Variants in RORA observed in about 807,000 individuals in gnomAD.
RORA encodes the protein nuclear receptor ROR-alpha.
Under a neutral mutation model 69.5 loss-of-function variants are expected in RORA, and 7 were observed. The observed-to-expected ratio is 0.10, with a 90% CI of 0.06 to 0.19. RORA has a LOEUF of 0.19. Ranked by LOEUF, RORA falls within the 10% of genes least tolerant of loss-of-function variation. The pLI is 1.00. For missense variants in RORA, 457 were observed against 663.0 expected (o/e 0.69, Z 3.41); for synonymous variants, 261 against 240.8 (o/e 1.08, Z -0.78).
chr15:60,859,655 C>CTTTTTTT (rs71122880), intron 1 of RORA, among the ~76,000 whole-genome samples: 1 of 101,592 alleles, frequency 9.8e-6, no homozygotes, highest in African/African-American at 3.9e-5. Flanking sequence ...TTCTTTCTTT[C>CTTTTTTT]TTTTTTTTTT....
intron 1 of RORA, among the ~76,000 whole-genome samples, chr15:60,892,066 C>T (rs1005526235): frequency 6.6e-6 from 1 of 152,196 alleles, no homozygotes; most frequent in African/African-American, 2.4e-5. Context: ...ATTCCGAGGC[C>T]TCATCCAGAA....
intron 2 of RORA, among the ~76,000 whole-genome samples, chr15:60,570,524 GT>G (rs1250413638): frequency 1.3e-5 from 2 of 151,858 alleles, no homozygotes; most frequent in Non-Finnish European, 2.9e-5. Context: ...ATTATTTTGT[GT>G]TTTTTGTAGA....
At chr15:61,045,932 A>T (rs1896996965) in intron 1 of RORA, among the ~76,000 whole-genome samples, 1 of 152,174 alleles carries the variant, frequency 6.6e-6, no homozygotes, top group Non-Finnish European at 1.5e-5. Flanking sequence ...AGGCACAACT[A>T]TTGTCTCTGT....
chr15:61,148,319 G>T (rs2079368796), intron 1 of RORA, among the ~76,000 whole-genome samples: 1 of 152,202 alleles, frequency 6.6e-6, no homozygotes, highest in Admixed American at 6.5e-5. Context: ...TCAGTTGGAT[G>T]CTGGCATTCA....
chr15:60,727,181 G>C (rs551372275), intron 1 of RORA, among the ~76,000 whole-genome samples: 99 of 152,212 alleles, frequency 6.5e-4, no homozygotes, highest in African/African-American at 2.3e-3. Context: ...TTCATTTTTT[G>C]TTGTTATTGT....
At chr15:61,001,247 TG>T (rs1360891541) in intron 1 of RORA, among the ~76,000 whole-genome samples, 8 of 152,252 alleles carry the variant, frequency 5.3e-5, no homozygotes, top group African/African-American at 1.7e-4. Flanking sequence ...TTTTGAAAAA[TG>T]AATTAAAAAT....
At position 61,052,009 on chromosome 15, in the gene RORA, C is replaced by G. The variant is rs184879077; in HGVS notation, c.166+177044G>C. Reference sequence around the variant, plus strand: ...TTGTGCAGCCTGGAAGTCTTATGCACACAGCACCTGCTGCTTTCTAAACTA... The same window carrying G: ...TTGTGCAGCCTGGAAGTCTTATGCAGACAGCACCTGCTGCTTTCTAAACTA... On this transcript the variant is annotated intron_variant, in intron 1 of 10. Transcript: ENST00000335670. 6.6e-5 allele frequency among the ~76,000 whole-genome samples: 10 copies of G among 152,358 alleles called. No individual in the cohort carries two copies. The South Asian group carries it at 1.7e-3, about 25-fold the overall frequency.
At chr15:60,608,766 A>G (rs967573973) in intron 2 of RORA, among the ~76,000 whole-genome samples, 11 of 152,172 alleles carry the variant, frequency 7.2e-5, no homozygotes, top group African/African-American at 2.7e-4. Context: ...TCCTGCCACG[A>G]GAGATAATTT....
chr15:60,541,315 A>T (rs951711767), intron 2 of RORA, among the ~76,000 whole-genome samples: 2 of 152,222 alleles, frequency 1.3e-5, no homozygotes, highest in Non-Finnish European at 2.9e-5. Context: ...CTGTGGCTCA[A>T]TGGTATTTCA....
intron 1 of RORA, among the ~76,000 whole-genome samples, chr15:60,889,428 T>G (rs888139217): frequency 2.6e-5 from 4 of 152,222 alleles, no homozygotes; most frequent in African/African-American, 9.6e-5. Flanking sequence ...TTGTTCATTT[T>G]CCTCTCAGAA....
At chr15:60,960,395 T>C (rs1365082396) in intron 1 of RORA, among the ~76,000 whole-genome samples, 2 of 152,208 alleles carry the variant, frequency 1.3e-5, no homozygotes, top group African/African-American at 4.8e-5. Context: ...TCTTAGGAAG[T>C]AGCAGCTGAG....
chr15:60,960,964 G>A (rs74019962), intron 1 of RORA, among the ~76,000 whole-genome samples: 1,601 of 152,276 alleles, frequency 0.011, 30 homozygotes, highest in African/African-American at 0.036. Flanking sequence ...CACACAGATA[G>A]CAAGCAGCAG....
At chr15:61,041,434 T>C (rs774909541) in intron 1 of RORA, among the ~76,000 whole-genome samples, 5 of 152,178 alleles carry the variant, frequency 3.3e-5, no homozygotes, top group Non-Finnish European at 7.3e-5. Flanking sequence ...GAGGAGAAAT[T>C]AACATTTGTC....
At chr15:60,829,690 G>C (rs139719453) in intron 1 of RORA, among the ~76,000 whole-genome samples, 1 of 152,328 alleles carries the variant, frequency 6.6e-6, no homozygotes, top group African/African-American at 2.4e-5. Context: ...CCAGACACTT[G>C]AGATTCCTAC....
intron 2 of RORA, among the ~76,000 whole-genome samples, chr15:60,620,954 C>T (rs998300575): frequency 1.3e-5 from 2 of 152,330 alleles, no homozygotes; most frequent in African/African-American, 4.8e-5. Context: ...CAATCCCGGG[C>T]TGCGTTTCTT....
intron 1 of RORA, among the ~76,000 whole-genome samples, chr15:61,105,003 C>CCT (rs1180699443): frequency 7.0e-6 from 1 of 142,966 alleles, no homozygotes; most frequent in Non-Finnish European, 1.5e-5. Flanking sequence ...GCGCCCCCCC[C>CCT]ACCGCCCAGC....
At chr15:60,824,896 T>C (rs1035188300) in intron 1 of RORA, among the ~76,000 whole-genome samples, 2 of 152,134 alleles carry the variant, frequency 1.3e-5, no homozygotes, top group African/African-American at 4.8e-5. Context: ...AAGGACAAAA[T>C]AACCTAATGG....
intron 1 of RORA, among the ~76,000 whole-genome samples, chr15:60,989,242 C>T (rs1894298264): frequency 6.6e-6 from 1 of 152,194 alleles, no homozygotes; most frequent in South Asian, 2.1e-4. Flanking sequence ...CCTCTCATGT[C>T]CTCTTAATGA....
intron 1 of RORA, among the ~76,000 whole-genome samples, chr15:61,218,278 C>T (rs961166168): frequency 6.6e-6 from 1 of 151,774 alleles, no homozygotes; most frequent in Non-Finnish European, 1.5e-5. Flanking sequence ...AAAGATATCG[C>T]CCTGAGAGGC....
Sources: allele counts gnomAD v4.1 joint callset (sites outside exome capture counted in the v4.1 genomes callset), GRCh38; gene constraint gnomAD v4.1.1; transcripts MANE v1.5; gene names NCBI Gene and HGNC (gene_info 2026-07-23, HGNC 2026-07-21).